Variants in CSMD1 observed in about 807,000 individuals in gnomAD.
The protein encoded by CSMD1 is CUB and Sushi multiple domains 1.
In CSMD1, 213 loss-of-function variants were observed where a neutral mutation model predicts 417.5. That is an observed-to-expected ratio of 0.51 (90% CI 0.46 to 0.57). The LOEUF (loss-of-function observed/expected upper bound fraction) is 0.57. CSMD1 is among the 20% of genes least tolerant of loss of function. The probability of loss-of-function intolerance (pLI) is 0.00; values close to 1 mark genes in which losing one functional copy is unlikely to be tolerated. For missense variants in CSMD1, 6,923 were observed against 4,529.7 expected (o/e 1.53, Z -15.17); for synonymous variants, 2,862 against 1,736.8 (o/e 1.65, Z -16.11).
intron 12 of CSMD1, among the ~76,000 whole-genome samples, chr8:3,443,990 A>G (rs544373274): frequency 1.3e-5 from 2 of 152,250 alleles, no homozygotes; most frequent in African/African-American, 4.8e-5. Context: ...ACAGATATAC[A>G]ATGGAAGACA....
At chr8:3,434,050 G>A (rs1563384513) in intron 12 of CSMD1, among the ~76,000 whole-genome samples, 5 of 152,150 alleles carry the variant, frequency 3.3e-5, no homozygotes, top group Admixed American at 6.5e-5. Flanking sequence ...CATCATTCCT[G>A]GCATTCTTTG....
At chr8:4,132,421 TAG>T (rs1803166394) in intron 3 of CSMD1, among the ~76,000 whole-genome samples, 1 of 152,188 alleles carries the variant, frequency 6.6e-6, no homozygotes, top group Non-Finnish European at 1.5e-5. Flanking sequence ...TGTTTACCCA[TAG>T]AAACTATTTT....
chr8:4,078,632 T>A (rs1216735091), intron 3 of CSMD1, among the ~76,000 whole-genome samples: 1 of 151,522 alleles, frequency 6.6e-6, no homozygotes, highest in African/African-American at 2.4e-5. Context: ...AGTTTTTCTG[T>A]ATTTCACATG....
chr8:3,329,420 A>T (rs1252964923), intron 23 of CSMD1, among the ~76,000 whole-genome samples: 2 of 152,056 alleles, frequency 1.3e-5, no homozygotes, highest in Non-Finnish European at 2.9e-5. Flanking sequence ...GCAGATGGAG[A>T]GTTCGAGATG....
At chr8:3,286,792 T>C (rs1803195446) in intron 25 of CSMD1, among the ~76,000 whole-genome samples, 2 of 152,196 alleles carry the variant, frequency 1.3e-5, no homozygotes, top group African/African-American at 2.4e-5. Flanking sequence ...ACTCTGATGG[T>C]AGTTTCTTGT....
At chr8:4,640,820 A>G (rs1273521482) in intron 1 of CSMD1, among the ~76,000 whole-genome samples, 1 of 151,282 alleles carries the variant, frequency 6.6e-6, no homozygotes. Context: ...TTTAGTTAAA[A>G]TTAAGATGTT....
At chr8:4,408,591 A>T (rs75050362) in intron 3 of CSMD1, among the ~76,000 whole-genome samples, 4,197 of 152,330 alleles carry the variant, frequency 0.028, 91 homozygotes, top group Non-Finnish European at 0.045. Flanking sequence ...AAAGTGAAGG[A>T]AGCAATTAAG....
chr8:4,453,584 C>T (rs185261282), intron 2 of CSMD1, among the ~76,000 whole-genome samples: 2 of 152,272 alleles, frequency 1.3e-5, no homozygotes, highest in East Asian at 1.9e-4. Flanking sequence ...ATCGCTTGAA[C>T]AATTGAACTG....
intron 3 of CSMD1, among the ~76,000 whole-genome samples, chr8:4,216,277 T>TTC (rs1800662517): frequency 6.6e-6 from 1 of 152,136 alleles, no homozygotes; most frequent in Non-Finnish European, 1.5e-5. Context: ...AGACCTGACC[T>TTC]TCTCCCTGTG....
In CSMD1 at chr8:3,678,530, G is replaced by T. The variant is rs557030488; in HGVS notation, c.1009+29884C>A. On this transcript the variant is annotated intron_variant, in intron 7 of 69. Coordinates refer to ENST00000635120, the MANE Select transcript of CSMD1 (RefSeq NM_033225.6). ...TGAACAAAGCCTCCAAGAAATATGG[G>T]ACTATGTGAAAAGACCAAATCTATG... Among the ~76,000 whole-genome samples, 7 of 152,286 alleles carry T rather than the reference G, an allele frequency of 4.6e-5. No individual in the cohort carries two copies. The South Asian group carries it at 6.2e-4, about 14-fold the overall frequency.
At chr8:4,465,550 G>C (rs909921008) in intron 2 of CSMD1, among the ~76,000 whole-genome samples, 2 of 152,146 alleles carry the variant, frequency 1.3e-5, no homozygotes, top group South Asian at 2.1e-4. Flanking sequence ...TCTCAGAATG[G>C]AAGTCAAGTA....
chr8:3,391,550 A>T (rs1215879503), intron 17 of CSMD1, among the ~76,000 whole-genome samples: 1 of 152,172 alleles, frequency 6.6e-6, no homozygotes, highest in Non-Finnish European at 1.5e-5. Flanking sequence ...GAATGGCTAG[A>T]CTGTCGCTGG....
intron 36 of CSMD1, among the ~76,000 whole-genome samples, chr8:3,187,030 C>A (rs958364963): frequency 5.3e-5 from 8 of 152,214 alleles, no homozygotes; most frequent in African/African-American, 1.9e-4. Context: ...CAGGCATGAG[C>A]CACTGCACCT....
intron 3 of CSMD1, among the ~76,000 whole-genome samples, chr8:4,400,455 C>G (rs1046453539): frequency 3.3e-5 from 5 of 152,178 alleles, no homozygotes; most frequent in African/African-American, 1.2e-4. Flanking sequence ...CATCGAGATT[C>G]ATTCATTTGC....
intron 3 of CSMD1, among the ~76,000 whole-genome samples, chr8:4,037,696 T>G (rs768022822): frequency 6.6e-6 from 1 of 152,194 alleles, no homozygotes; most frequent in Non-Finnish European, 1.5e-5. Context: ...GGTGTGAAGA[T>G]TGAATGAGAT....
At chr8:3,342,942 G>C (rs969276204) in intron 23 of CSMD1, among the ~76,000 whole-genome samples, 1 of 151,848 alleles carries the variant, frequency 6.6e-6, no homozygotes, top group African/African-American at 2.4e-5. Context: ...ACCTCCGGTT[G>C]TATCAAACAT....
chr8:3,241,646 C>T (rs1799532502), intron 26 of CSMD1, among the ~76,000 whole-genome samples: 3 of 152,262 alleles, frequency 2.0e-5, no homozygotes, highest in South Asian at 4.1e-4. Context: ...TGCAGGCATT[C>T]CTTGGCCTGG....
In CSMD1 at chr8:4,366,647, T is replaced by C. The variant is rs151303736; in HGVS notation, c.415+53306A>G. 9.2e-5 allele frequency among the ~76,000 whole-genome samples: 14 copies of C among 152,290 alleles called. No homozygotes were observed. The East Asian group carries it at 2.5e-3, about 27-fold the overall frequency. On this transcript the variant is annotated intron_variant, in intron 3 of 69. Transcript: ENST00000635120. ...TTGACTCATGAGAGATGGTATCTCA[T>C]CGTGGTTTTGATTTGCATGTCTCTA...
intron 1 of CSMD1, among the ~76,000 whole-genome samples, chr8:4,809,721 G>C (rs1798787953): frequency 1.3e-5 from 2 of 152,302 alleles, no homozygotes; most frequent in South Asian, 2.1e-4. Flanking sequence ...CAAAACATCT[G>C]TCATTTCAAC....
Sources: gnomAD v4.1 joint callset for allele counts (sites outside exome capture counted in the v4.1 genomes callset) on GRCh38, gnomAD v4.1.1 for gene constraint, MANE v1.5 for transcripts, NCBI Gene and HGNC (gene_info 2026-07-23, HGNC 2026-07-21) for gene names.